Variants in PITPNM2 observed in about 807,000 individuals in gnomAD.
PITPNM2 encodes the protein phosphatidylinositol transfer protein membrane associated 2, also known as membrane-associated phosphatidylinositol transfer protein 2.
A neutral mutation model predicts 132.2 loss-of-function variants in PITPNM2; 35 were observed. The ratio of observed to expected loss-of-function variants is 0.26; its 90% CI spans 0.20 to 0.35. PITPNM2 has a LOEUF of 0.35. Ranked by LOEUF, PITPNM2 falls within the 10% of genes least tolerant of loss-of-function variation. The pLI is 1.00. For synonymous variants in PITPNM2, 738 were observed against 799.2 expected (o/e 0.92, Z 1.29); for missense variants, 1,332 against 1,912.0 (o/e 0.70, Z 5.66).
Position 123,108,093 on chromosome 12 carries a change from G to C in PITPNM2, c.-96+2292C>G, listed in dbSNP as rs1016681736. On this transcript the variant is annotated intron_variant, in intron 2 of 25. Coordinates refer to ENST00000320201, the MANE Select transcript of PITPNM2 (RefSeq NM_020845.3). The surrounding 1 kb of genome is among the most constrained non-coding windows in gnomAD (Gnocchi z 4.4). ...ATTTCAGGATGCTGGAACTGCATAA[G>C]CAAAGCGCAGAGAATGTACCAGCAT... Among the ~76,000 whole-genome samples the C allele has an allele frequency of 7.9e-5, 12 of 152,216 alleles. No individual in the cohort carries two copies. Among genetic ancestry groups the C allele is most frequent in the African/African-American group, 2.9e-4 (12 of 41,456 alleles).
chr12:123,147,788 A>G (rs1265670460), intron 1 of PITPNM2, among the ~76,000 whole-genome samples: 1 of 152,190 alleles, frequency 6.6e-6, no homozygotes, highest in African/African-American at 2.4e-5. Flanking sequence ...AAACTTGGGC[A>G]AGTTAGTTGA....
At chr12:123,092,152 C>T (rs2042284945) in intron 2 of PITPNM2, 2 of 152,278 alleles carry the variant, frequency 1.3e-5, no homozygotes, top group Non-Finnish European at 2.9e-5. Flanking sequence ...ATGCTACAGA[C>T]TGTTTCCTGC....
rs968823002 is a variant in PITPNM2, at chr12:122,992,477, T to C, written c.2404+22A>G. On this transcript the variant is annotated intron_variant, in intron 16 of 25. Transcript: ENST00000320201. The surrounding 1 kb of genome is among the most constrained non-coding windows in gnomAD (Gnocchi z 6.5). ...CTTACCCCACCTTCCCCCAGAGGAG[T>C]GGGGCGGAATGTGCCTCTCACCCAG... 3 of 1,595,172 alleles carry C rather than the reference T, an allele frequency of 1.9e-6. No homozygotes were observed. The African/African-American group carries it at 4.1e-5, about 22-fold the overall frequency.
intron 2 of PITPNM2, among the ~76,000 whole-genome samples, chr12:123,047,192 C>A (rs1311452836): frequency 6.6e-6 from 1 of 152,216 alleles, no homozygotes; most frequent in African/African-American, 2.4e-5. Context: ...CTGGATACAA[C>A]ACAAGCTAAC....
At position 123,099,969 on chromosome 12, in the gene PITPNM2, C is replaced by T. The variant is rs1279349938; in HGVS notation, c.-96+10416G>A. On this transcript the variant is annotated intron_variant, in intron 2 of 25. Transcript: ENST00000320201. This position sits in a 1 kb window ranked among gnomAD's most constrained non-coding sequence, Gnocchi z 4.2. The stretch of plus-strand genomic sequence containing the variant: ...ACCCAGGTGTGCAGGCATCCATGCC[C>T]GGGGGAAGTAAGAATTGCAGGTGAC... 2.0e-5 allele frequency among the ~76,000 whole-genome samples: 3 copies of T among 152,136 alleles called. No homozygotes were observed. Among genetic ancestry groups the T allele is most frequent in the African/African-American group, 2.4e-5 (1 of 41,434 alleles).
Position 123,046,795 on chromosome 12 carries a change from G to A in PITPNM2, c.-95-12110C>T, listed in dbSNP as rs138330437. On this transcript the variant is annotated intron_variant, in intron 2 of 25. Transcript: ENST00000320201. The stretch of plus-strand genomic sequence containing the variant: ...TTGCTTTTTATGACTGAATAATATT[G>A]TGCTGCAAGGCTATTAGCCCCGTTT... Among the ~76,000 whole-genome samples the A allele has an allele frequency of 2.7e-3, 409 of 152,240 alleles. 1 individual carries two copies. Among genetic ancestry groups the A allele is most frequent in the African/African-American group, 9.0e-3 (373 of 41,524 alleles).
chr12:123,094,667 GC>G (rs2042359504), intron 2 of PITPNM2, among the ~76,000 whole-genome samples: 1 of 152,200 alleles, frequency 6.6e-6, no homozygotes, highest in Non-Finnish European at 1.5e-5. Flanking sequence ...CTGCACAGAT[GC>G]ATCAAAGGCC....
In PITPNM2 at chr12:123,023,344, C is replaced by T. The variant is rs2039742920; in HGVS notation, c.79-9302G>A. On this transcript the variant is annotated intron_variant, in intron 3 of 25. Transcript: ENST00000320201. This position sits in a 1 kb window ranked among gnomAD's most constrained non-coding sequence, Gnocchi z 4.8. ...ATGCAGGAGCCAAGGCCCATGGATT[C>T]AGGGCTCTTCTGGGTGGAGCAGAAG... Among the ~76,000 whole-genome samples the T allele has an allele frequency of 6.6e-6, 1 of 152,166 alleles. No individual in the cohort carries two copies. The highest frequency in any genetic ancestry group is 2.1e-4 in the South Asian group (1 of 4,822).
At chr12:123,052,081 T>TG (rs2040877395) in intron 2 of PITPNM2, among the ~76,000 whole-genome samples, 1 of 137,422 alleles carries the variant, frequency 7.3e-6, no homozygotes, top group Non-Finnish European at 1.5e-5. Flanking sequence ...TTTATTGTTT[T>TG]TTTTTTTTTT....
intron 2 of PITPNM2, among the ~76,000 whole-genome samples, chr12:123,059,284 T>C (rs912908554): frequency 2.0e-5 from 3 of 152,194 alleles, no homozygotes; most frequent in Admixed American, 6.5e-5. Flanking sequence ...CCCCTGCCCC[T>C]TTCCGTAGCA....
rs569057791 is a variant in PITPNM2 at position 123,013,581 on chromosome 12, C to T, written c.293+247G>A. 9.8e-5 allele frequency among the ~76,000 whole-genome samples: 15 copies of T among 152,358 alleles called. No homozygotes were observed. The South Asian group carries it at 1.7e-3, about 17-fold the overall frequency. On this transcript the variant is annotated intron_variant, in intron 4 of 25. Coordinates refer to ENST00000320201, the MANE Select transcript of PITPNM2 (RefSeq NM_020845.3). Reference sequence around the variant, plus strand: ...TCTCCAACAGCCCTCGCTTGACTCACGCCTTCATGGCCTCCACACGTAGGC... The same window carrying T: ...TCTCCAACAGCCCTCGCTTGACTCATGCCTTCATGGCCTCCACACGTAGGC...
In PITPNM2 at chr12:122,993,361, T is replaced by TGGAGTTAA. The variant is rs2038283399; in HGVS notation, c.2234-700_2234-693dup. The stretch of plus-strand genomic sequence containing the variant: ...TGGGGCAGCAGTTCCAACCACGTCA[T>TGGAGTTAA]GGAGTTAAGGAGATCACGTGAATGC... On this transcript the variant is annotated intron_variant, in intron 15 of 25. Coordinates refer to ENST00000320201, the MANE Select transcript of PITPNM2 (RefSeq NM_020845.3). This position sits in a 1 kb window ranked among gnomAD's most constrained non-coding sequence, Gnocchi z 5.2. Among the ~76,000 whole-genome samples, 1 of 152,220 alleles carries TGGAGTTAA rather than the reference T, an allele frequency of 6.6e-6. No individual in the cohort carries two copies. The highest frequency in any genetic ancestry group is 2.4e-5 in the African/African-American group (1 of 41,454).
chr12:123,050,234 G>A (rs1296138830), intron 2 of PITPNM2, among the ~76,000 whole-genome samples: 1 of 152,192 alleles, frequency 6.6e-6, no homozygotes, highest in Non-Finnish European at 1.5e-5. Flanking sequence ...GGCCCTGAAT[G>A]AGATATGGCA....
chr12:123,020,107 AT>A (rs899270547), intron 3 of PITPNM2, among the ~76,000 whole-genome samples: 1 of 151,866 alleles, frequency 6.6e-6, no homozygotes, highest in African/African-American at 2.4e-5. Context: ...TTATTTTTTT[AT>A]TTTTGTTTGT....
intron 2 of PITPNM2, among the ~76,000 whole-genome samples, chr12:123,051,333 TA>T (rs1289729370): frequency 6.6e-6 from 1 of 152,250 alleles, no homozygotes; most frequent in Non-Finnish European, 1.5e-5. Context: ...CCCACTTACG[TA>T]GACTTTGTTC....
chr12:123,041,930 C>T (rs2040494833), intron 2 of PITPNM2, among the ~76,000 whole-genome samples: 2 of 152,024 alleles, frequency 1.3e-5, no homozygotes, highest in South Asian at 2.1e-4. Context: ...GCATTCACGA[C>T]CCTAGAAAGA....
At chr12:122,999,393 C>A (rs953062811) in intron 10 of PITPNM2, among the ~76,000 whole-genome samples, 6 of 152,316 alleles carry the variant, frequency 3.9e-5, no homozygotes, top group African/African-American at 1.4e-4. Flanking sequence ...GAACACATGG[C>A]AGGAGGGAAC....
intron 3 of PITPNM2, among the ~76,000 whole-genome samples, chr12:123,027,285 A>G (rs979850359): frequency 6.6e-6 from 1 of 152,130 alleles, no homozygotes; most frequent in South Asian, 2.1e-4. Context: ...ACCCTGTGCT[A>G]TGTGTAGCTC....
intron 2 of PITPNM2, among the ~76,000 whole-genome samples, chr12:123,067,813 C>G (rs1462344968): frequency 6.6e-6 from 1 of 152,212 alleles, no homozygotes; most frequent in African/African-American, 2.4e-5. Flanking sequence ...ACAGGACACA[C>G]TCTGAGCTGA....
Sources: gnomAD v4.1 joint callset for allele counts (sites outside exome capture counted in the v4.1 genomes callset) on GRCh38, gnomAD v4.1.1 for gene constraint, Gnocchi (gnomAD v3.1) non-coding constraint, MANE v1.5 for transcripts, NCBI Gene and HGNC (gene_info 2026-07-23, HGNC 2026-07-21) for gene names.